Variants in MBNL2 observed in about 807,000 individuals in gnomAD.
MBNL2 encodes the protein muscleblind like splicing regulator 2, also known as muscleblind-like protein 2.
In MBNL2, 17 loss-of-function variants were observed where a neutral mutation model predicts 41.9. The ratio of observed to expected loss-of-function variants is 0.41; its 90% CI spans 0.28 to 0.61. The LOEUF is 0.61. MBNL2 is among the 20% of genes least tolerant of loss of function. MBNL2 has a pLI of 0.35. For synonymous variants in MBNL2, 195 were observed against 182.9 expected (o/e 1.07, Z -0.53); for missense variants, 336 against 505.6 (o/e 0.66, Z 3.22).
At chr13:97,287,926 T>TG (rs2054933132) in intron 2 of MBNL2, among the ~76,000 whole-genome samples, 1 of 95,886 alleles carries the variant, frequency 1.0e-5, no homozygotes, top group African/African-American at 3.3e-5. Flanking sequence ...CTGTTTTTTT[T>TG]TTGTTTTGTT....
the MBNL2 span, among the ~76,000 whole-genome samples, chr13:97,184,334 A>G: frequency 2.6e-5 from 4 of 152,180 alleles, no homozygotes; most frequent in Non-Finnish European, 5.9e-5. Context: ...TGTTTTTCAA[A>G]AGAAGAGGAC....
intron 1 of MBNL2, among the ~76,000 whole-genome samples, chr13:97,272,010 C>T (rs1051412562): frequency 4.6e-5 from 7 of 152,120 alleles, no homozygotes; most frequent in African/African-American, 1.2e-4. Context: ...TACTGTCTTC[C>T]ACAATGGTTG....
In MBNL2 at chr13:97,366,418, C is replaced by A; in HGVS notation, c.1048+1247C>A. On this transcript the variant is annotated intron_variant, in intron 8 of 8. Transcript: ENST00000679496. This position sits in a 1 kb window ranked among gnomAD's most constrained non-coding sequence, Gnocchi z 4.7. ...TACCACTTCTATTACCATAATGCTA[C>A]ACCCTCCTGTTCATTGCTCCCATGG... is the stretch of plus-strand genomic sequence containing the variant. 1.1e-6 allele frequency: 1 copy of A among 927,670 alleles called. No homozygotes were observed. 57.5% of individuals were successfully genotyped at this position (927,670 alleles called of 1,614,324 possible).
chr13:97,381,245 C>A (rs189406900), intron 8 of MBNL2, among the ~76,000 whole-genome samples: 1 of 152,094 alleles, frequency 6.6e-6, no homozygotes, highest in African/African-American at 2.4e-5. Context: ...AAGATGATGA[C>A]GATACACAAA....
chr13:97,192,312 A>G, the MBNL2 span, among the ~76,000 whole-genome samples: 1 of 152,170 alleles, frequency 6.6e-6, no homozygotes, highest in Admixed American at 6.6e-5. Flanking sequence ...TATCTTCGCT[A>G]TTAGAATAGA....
intron 1 of MBNL2, among the ~76,000 whole-genome samples, chr13:97,245,304 C>T (rs2045235272): frequency 6.6e-6 from 1 of 152,064 alleles, no homozygotes; most frequent in African/African-American, 2.4e-5. Flanking sequence ...TCTAAGCTCC[C>T]AGGGAAAAAG....
At chr13:97,277,176 G>C (rs1258312917) in intron 2 of MBNL2, among the ~76,000 whole-genome samples, 1 of 152,168 alleles carries the variant, frequency 6.6e-6, no homozygotes, top group East Asian at 1.9e-4. Context: ...TACTGAGTTG[G>C]GTGGAGTTAG....
intron 5 of MBNL2, among the ~76,000 whole-genome samples, chr13:97,355,208 T>C (rs1808968765): frequency 6.6e-6 from 1 of 152,152 alleles, no homozygotes; most frequent in Admixed American, 6.5e-5. Flanking sequence ...CGATCAAAAC[T>C]ACCTTCCCAA....
intron 1 of MBNL2, among the ~76,000 whole-genome samples, chr13:97,253,033 T>C (rs1466498419): frequency 2.6e-5 from 4 of 152,190 alleles, no homozygotes; most frequent in Non-Finnish European, 5.9e-5. Context: ...AAACTAATTA[T>C]AGCAACCAGC....
chr13:97,210,571 A>ATTTTTTT, the MBNL2 span, among the ~76,000 whole-genome samples: 10 of 65,462 alleles, frequency 1.5e-4, 3 homozygotes, highest in African/African-American at 6.3e-4. Context: ...ACAACTGTGA[A>ATTTTTTT]TTTTTTTTTT....
chr13:97,181,229 A>C, the MBNL2 span, among the ~76,000 whole-genome samples: 1 of 152,130 alleles, frequency 6.6e-6, no homozygotes, highest in African/African-American at 2.4e-5. Flanking sequence ...CCATCTGAAG[A>C]CCCTGAATGT....
At chr13:97,340,081 C>T (rs183962884) in intron 3 of MBNL2, among the ~76,000 whole-genome samples, 139 of 152,278 alleles carry the variant, frequency 9.1e-4, no homozygotes, top group African/African-American at 3.2e-3. Context: ...ATTCTTGCTG[C>T]CGCACTTGCT....
chr13:97,342,401 G>T (rs2061512964), intron 3 of MBNL2, among the ~76,000 whole-genome samples: 1 of 152,188 alleles, frequency 6.6e-6, no homozygotes, highest in African/African-American at 2.4e-5. Context: ...AAACCTTTCA[G>T]GAAGGGAAGA....
intron 5 of MBNL2, among the ~76,000 whole-genome samples, chr13:97,356,158 A>C (rs187431375): frequency 6.6e-6 from 1 of 152,348 alleles, no homozygotes; most frequent in Non-Finnish European, 1.5e-5. Flanking sequence ...ACAAGAATTG[A>C]GACAATTATC....
intron 5 of MBNL2, among the ~76,000 whole-genome samples, chr13:97,347,668 GA>G (rs997543986): frequency 4.6e-5 from 7 of 152,076 alleles, no homozygotes; most frequent in African/African-American, 1.7e-4. Flanking sequence ...GGTGCAGAAA[GA>G]AAAAAAGACC....
intron 2 of MBNL2, among the ~76,000 whole-genome samples, chr13:97,308,035 C>T (rs375196958): frequency 2.6e-4 from 40 of 152,320 alleles, no homozygotes; most frequent in African/African-American, 9.1e-4. Flanking sequence ...CCATTTTGAG[C>T]CATAGAGCTA....
intron 2 of MBNL2, among the ~76,000 whole-genome samples, chr13:97,307,290 C>T (rs189498394): frequency 1.3e-5 from 2 of 151,992 alleles, no homozygotes; most frequent in African/African-American, 4.8e-5. Flanking sequence ...CCAACTTTGC[C>T]TTTCAACTTT....
intron 1 of MBNL2, among the ~76,000 whole-genome samples, chr13:97,243,838 G>C (rs1252425778): frequency 6.6e-6 from 1 of 152,140 alleles, no homozygotes; most frequent in Non-Finnish European, 1.5e-5. Context: ...GATAGGGCTG[G>C]GTAACTGAGA....
chr13:97,179,306 T>A, the MBNL2 span: 1 of 152,248 alleles, frequency 6.6e-6, no homozygotes, highest in Non-Finnish European at 1.5e-5. Context: ...CCATGTTAAA[T>A]CATCTTCTCT....
Sources: allele counts gnomAD v4.1 joint callset (sites outside exome capture counted in the v4.1 genomes callset), GRCh38; gene constraint gnomAD v4.1.1; non-coding constraint Gnocchi (gnomAD v3.1); transcripts MANE v1.5; gene names NCBI Gene and HGNC (gene_info 2026-07-23, HGNC 2026-07-21).